TRIM67: variants seen among roughly 807,000 people sequenced by gnomAD.
TRIM67 encodes tripartite motif containing 67.
Under a neutral mutation model 71.0 loss-of-function variants are expected in TRIM67, and 39 were observed. The observed-to-expected ratio is 0.55, with a 90% CI of 0.43 to 0.72. TRIM67 has a LOEUF of 0.72. TRIM67 is among the 30% of genes least tolerant of loss of function. The pLI is 0.00. For synonymous variants in TRIM67, 481 were observed against 473.9 expected, an observed-to-expected ratio of 1.01 and a Z score of -0.19; for missense variants, 973 against 1,079.2, an observed-to-expected ratio of 0.90 and a Z score of 1.38.
intron 9 of TRIM67, 112 bp from the exon 10 acceptor site, chr1:231,215,263 G>A: frequency 6.9e-7 from 1 of 1,442,756 alleles, no homozygotes; most frequent in Non-Finnish European, 9.2e-7. Flanking sequence ...GCTATTGCAT[G>A]GATGGCCCTG....
intron 1 of TRIM67, among the ~76,000 whole-genome samples, chr1:231,186,438 G>C (rs1175290159): frequency 1.3e-5 from 2 of 152,176 alleles, no homozygotes; most frequent in Admixed American, 1.3e-4. Flanking sequence ...TCGTCTCACT[G>C]TTCTGGAAGC....
At position 231,218,644 on chromosome 1, in the gene TRIM67, A is replaced by C. The variant is rs776164281; in HGVS notation, c.*3204A>C. On this transcript the variant is annotated 3_prime_UTR_variant, in exon 10 of 10. Transcript: ENST00000366653. ...GATTCCAATTAAAGAGGACACCAGT[A>C]ATACTGACCCACAAGGTAACTGACC... The C allele has an allele frequency of 1.0e-6, 1 of 985,446 alleles. No homozygotes were observed. The highest frequency in any genetic ancestry group is 4.7e-5 in the South Asian group (1 of 21,288). The allele number at this position is 985,446 out of a possible 1,614,324, so 61.0% of individuals were successfully genotyped here.
intron 7 of TRIM67, among the ~76,000 whole-genome samples, chr1:231,208,031 A>T (rs1262816316): frequency 1.2e-4 from 16 of 138,214 alleles, no homozygotes; most frequent in Non-Finnish European, 9.2e-5. Context: ...TTTTTTTGAG[A>T]TGAAGTCCCA....
intron 1 of TRIM67, among the ~76,000 whole-genome samples, chr1:231,172,240 A>G (rs1265889808): frequency 1.3e-5 from 2 of 152,232 alleles, no homozygotes; most frequent in Non-Finnish European, 2.9e-5. Context: ...AGTTATGCAT[A>G]GAAGAAATAA....
At position 231,219,585 on chromosome 1, in the gene TRIM67, GC is replaced by G; in HGVS notation, c.*4150del. On this transcript the variant is annotated 3_prime_UTR_variant, in exon 10 of 10. Coordinates refer to ENST00000366653, the MANE Select transcript of TRIM67 (RefSeq NM_001004342.5). ...TCTTGAATTTTCACTCACTGAAGAT[GC>G]CCCCTGCCCGCTCCCCACTTCCTAG... The G allele has an allele frequency of 9.0e-7, 1 of 1,106,140 alleles. No homozygotes were observed. Among genetic ancestry groups the G allele is most frequent in the South Asian group, 2.2e-5 (1 of 44,718 alleles). The allele number at this position is 1,106,140 out of a possible 1,614,324, so 68.5% of individuals were successfully genotyped here.
chr1:231,215,532 A>G lies in TRIM67; in HGVS notation c.*92A>G. ...CTAAGCTCAAATAACCCACAAAAGC[A>G]GGATATGCAAATCATGGGTGCAACC... On this transcript the variant is annotated 3_prime_UTR_variant, in exon 10 of 10. Coordinates refer to ENST00000366653, the MANE Select transcript of TRIM67 (RefSeq NM_001004342.5). 4 of 1,464,276 alleles carry G rather than the reference A, an allele frequency of 2.7e-6. No homozygotes were observed. The highest frequency in any genetic ancestry group is 3.6e-6 in the Non-Finnish European group (4 of 1,099,558). 90.7% of individuals were successfully genotyped at this position (1,464,276 alleles called of 1,614,324 possible).
At chr1:231,207,135 A>G (rs1273876875) in intron 7 of TRIM67, among the ~76,000 whole-genome samples, 1 of 152,202 alleles carries the variant, frequency 6.6e-6, no homozygotes, top group Admixed American at 6.5e-5. Flanking sequence ...ATGGCCTACA[A>G]GCCACGAAAG....
chr1:231,198,633 G>A (rs552418104), intron 2 of TRIM67, among the ~76,000 whole-genome samples: 114 of 152,206 alleles, frequency 7.5e-4, no homozygotes, highest in Non-Finnish European at 1.3e-3. Flanking sequence ...TGATCCACCC[G>A]CCTTGGCCTC....
rs1571903202 is a variant in TRIM67, at chr1:231,209,829, C to T, written c.2123+579C>T. ...CTGTGGCTTTGCCCTGAGACTGGCC[C>T]TGGGAGTAGGGTCACCAGCATGGAC... is the stretch of plus-strand genomic sequence containing the variant. On this transcript the variant is annotated intron_variant, in intron 8 of 9. Transcript: ENST00000366653. This position sits in a 1 kb window ranked among gnomAD's most constrained non-coding sequence, Gnocchi z 4.1. Among the ~76,000 whole-genome samples the T allele has an allele frequency of 1.3e-5, 2 of 152,290 alleles. No individual in the cohort carries two copies. The highest frequency in any genetic ancestry group is 3.9e-4 in the East Asian group (2 of 5,174).
In TRIM67 at chr1:231,206,718, G is replaced by T. The variant is rs766194008; in HGVS notation, c.1747G>T (p.Ala583Ser). ...DGLHFNSTYN[A>S]RVKAFNSSGV... ...TCTTCACTTCAACAGCACCTACAACGCCCGAGTCAAAGCTTTCAACTCTTC... is the reference window on the plus strand; with the variant it reads ...TCTTCACTTCAACAGCACCTACAACTCCCGAGTCAAAGCTTTCAACTCTTC... Residue 583 changes from alanine to serine, a missense_variant, in exon 7 of 10, where the codon GCC becomes TCC. Physicochemically the swap from Ala to Ser is moderately conservative, Grantham distance 99. This residue lies in a region of TRIM67 where 795 missense variants were observed against 831.3 expected (regional missense o/e 0.96). Coordinates refer to ENST00000366653, the MANE Select transcript of TRIM67 (RefSeq NM_001004342.5). 5 of 1,611,466 alleles carry T rather than the reference G, an allele frequency of 3.1e-6. No homozygotes were observed. The highest frequency in any genetic ancestry group is 4.2e-6 in the Non-Finnish European group (5 of 1,178,888).
chr1:231,166,929 T>C (rs995000247), intron 1 of TRIM67, among the ~76,000 whole-genome samples: 9 of 152,286 alleles, frequency 5.9e-5, no homozygotes, highest in African/African-American at 2.2e-4. Context: ...GTTTGCTTCT[T>C]GATTATGAAA....
At chr1:231,175,746 CA>C (rs1682730787) in intron 1 of TRIM67, among the ~76,000 whole-genome samples, 1 of 152,216 alleles carries the variant, frequency 6.6e-6, no homozygotes, top group Admixed American at 6.5e-5. Flanking sequence ...GCCTCACTTA[CA>C]AGATGTGGAG....
intron 1 of TRIM67, among the ~76,000 whole-genome samples, chr1:231,166,166 G>A (rs1682457975): frequency 6.6e-6 from 1 of 152,196 alleles, no homozygotes; most frequent in Non-Finnish European, 1.5e-5. Context: ...TAAACTGTGG[G>A]AATATGACTA....
At chr1:231,192,844 C>T (rs1211348416) in intron 1 of TRIM67, among the ~76,000 whole-genome samples, 1 of 152,226 alleles carries the variant, frequency 6.6e-6, no homozygotes, top group Admixed American at 6.5e-5. Context: ...GTCTGATGGA[C>T]CTGGAAGCAG....
At position 231,219,729 on chromosome 1, in the gene TRIM67, G is replaced by T; in HGVS notation, c.*4289G>T. 1 of 1,189,376 alleles carries T rather than the reference G, an allele frequency of 8.4e-7. No homozygotes were observed. The highest frequency in any genetic ancestry group is 1.6e-5 in the African/African-American group (1 of 62,558). 73.7% of individuals were successfully genotyped at this position (1,189,376 alleles called of 1,614,324 possible). On this transcript the variant is annotated 3_prime_UTR_variant, in exon 10 of 10. Transcript: ENST00000366653. ...TAAAAAAATCTAACAGATCTTATTG[G>T]CAAATATTCAAGATGGTGATGCTGG...
At chr1:231,197,964 G>A (rs1683413167) in intron 2 of TRIM67, among the ~76,000 whole-genome samples, 1 of 152,188 alleles carries the variant, frequency 6.6e-6, no homozygotes, top group Non-Finnish European at 1.5e-5. Flanking sequence ...CTATAGCCTT[G>A]GGTGCTGAAA....
At chr1:231,191,436 C>G (rs796848318) in intron 1 of TRIM67, among the ~76,000 whole-genome samples, 3 of 152,274 alleles carry the variant, frequency 2.0e-5, no homozygotes, top group African/African-American at 7.2e-5. Flanking sequence ...GACTAGAAAA[C>G]AAAGCCGCTC....
chr1:231,187,778 G>A (rs1426301289), intron 1 of TRIM67, among the ~76,000 whole-genome samples: 3 of 152,168 alleles, frequency 2.0e-5, no homozygotes, highest in African/African-American at 7.2e-5. Context: ...TCTGATCCAC[G>A]CCAGGCACAA....
At chr1:231,177,005 G>A (rs542949450) in intron 1 of TRIM67, among the ~76,000 whole-genome samples, 3 of 150,322 alleles carry the variant, frequency 2.0e-5, no homozygotes, top group South Asian at 2.1e-4. Context: ...AAGAAGTGAG[G>A]AAACCGTAAC....
Sources: allele counts gnomAD v4.1 joint callset (sites outside exome capture counted in the v4.1 genomes callset), GRCh38; gene constraint gnomAD v4.1.1; regional missense constraint gnomAD v4.1.1; non-coding constraint Gnocchi (gnomAD v3.1); transcripts MANE v1.5; gene names NCBI Gene and HGNC (gene_info 2026-07-23, HGNC 2026-07-21).